The following PCSK9 variants were observed in gnomAD, a reference collection of about 807,000 sequenced individuals.
PCSK9 encodes proprotein convertase subtilisin/kexin type 9, also known as convertase subtilisin/kexin type 9 preproprotein.
PCSK9 carries 57 observed loss-of-function variants against 62.1 expected under a neutral mutation model. The ratio of observed to expected loss-of-function variants is 0.92; its 90% confidence interval spans 0.74 to 1.14. The LOEUF (loss-of-function observed/expected upper bound fraction) is 1.14, where lower values mean the gene tolerates loss of function less well. Ranked by LOEUF, PCSK9 falls within the 50% of genes most tolerant of loss-of-function variation. The pLI is 0.00. For synonymous variants in PCSK9, 387 were observed against 409.4 expected (o/e 0.95, Z 0.66); for missense variants, 870 against 959.8 (o/e 0.91, Z 1.24).
At position 55,058,608 on chromosome 1, in the gene PCSK9, T is replaced by C. The variant is rs142229832; in HGVS notation, c.1464T>C (p.Ser488=). The change falls in exon 9 of 12, where the codon AGT becomes AGC. Residue 488 remains serine (S), a synonymous_variant. Transcript: ENST00000302118. ...APDEELLSCS[S]FSRSGKRRGE... Reference sequence around the variant, plus strand: ...ATGAGGAGCTGCTGAGCTGCTCCAGTTTCTCCAGGAGTGGGAAGCGGCGGG... The same window carrying C: ...ATGAGGAGCTGCTGAGCTGCTCCAGCTTCTCCAGGAGTGGGAAGCGGCGGG... 12 of 1,611,732 alleles carry C rather than the reference T, an allele frequency of 7.4e-6. No homozygotes were observed. The African/African-American group carries it at 1.5e-4, about 20-fold the overall frequency.
intron 1 of PCSK9, among the ~76,000 whole-genome samples, chr1:55,042,640 G>T (rs764465225): frequency 3.9e-4 from 60 of 152,216 alleles, no homozygotes; most frequent in Non-Finnish European, 7.3e-4. Context: ...CCAAGGAGGA[G>T]CATGGAGTTT....
intron 8 of PCSK9, 94 bp downstream of exon 8, chr1:55,058,303 G>A (rs1644731811): frequency 6.6e-7 from 1 of 1,515,286 alleles, no homozygotes; most frequent in African/African-American, 1.4e-5. Flanking sequence ...TCTGTGTAAG[G>A]AGGATGACGC....
rs11591147 is a variant in PCSK9, at chr1:55,039,974, G to T, written c.137G>T (p.Arg46Leu). 23,500 of 1,580,590 alleles carry T rather than the reference G, an allele frequency of 0.015. 226 individuals carry two copies. Among genetic ancestry groups the T allele is most frequent in the Non-Finnish European group, 0.017 (19,432 of 1,164,182 alleles). ...TACGAGGAGCTGGTGCTAGCCTTGC[G>T]TTCCGAGGAGGACGGCCTGGCCGAA... ...GDYEELVLALRSEEDGLAEAP... is the reference protein window; with the variant it reads ...GDYEELVLALLSEEDGLAEAP... Residue 46 changes from arginine (R) to leucine (L), a missense_variant, in exon 1 of 12, where the codon CGT becomes CTT. Transcript: ENST00000302118.
rs201280059 is a variant in PCSK9, at chr1:55,063,459, A to G, written c.1954A>G (p.Asn652Asp). Residue 652 changes from asparagine (N) to aspartate (D), a missense_variant, in exon 12 of 12, where the codon AAC (asparagine) becomes GAC (aspartate). Asn to Asp is a conservative substitution (Grantham distance 23, BLOSUM62 1). Transcript: ENST00000302118. ...CGTCCTGGGGGCCTACGCCGTAGAC[A>G]ACACGTGTGTAGTCAGGAGCCGGGA... ...SHVLGAYAVD[N>D]TCVVRSRDVS... 21 of 1,614,094 alleles carry G rather than the reference A, an allele frequency of 1.3e-5. No individual in the cohort carries two copies. The East Asian group carries it at 4.0e-4, about 31-fold the overall frequency.
In PCSK9 at chr1:55,058,652, C is replaced by T. The variant is rs1299111478; in HGVS notation, c.1503+5C>T. ...CGGCGGGGCGAGCGCATGGAGGTGA[C>T]TGTACCCCTCCTTCGTGTGTGTGTG... On this transcript the variant is annotated splice_donor_5th_base_variant and intron_variant, in intron 9 of 11. Coordinates refer to ENST00000302118, the MANE Select transcript of PCSK9 (RefSeq NM_174936.4). The T allele has an allele frequency of 1.2e-6, 2 of 1,604,080 alleles. No homozygotes were observed. Among genetic ancestry groups the T allele is most frequent in the South Asian group, 1.1e-5 (1 of 90,426 alleles).
rs1644682948 is a variant in PCSK9, at chr1:55,052,525, CA to C, written c.657+115del. On this transcript the variant is annotated intron_variant, in intron 4 of 11. Coordinates refer to ENST00000302118, the MANE Select transcript of PCSK9 (RefSeq NM_174936.4). ...CTGTACTCCTGGGTTGCACCCCCCC[CA>C]GCTGTCACTGTCCCCTCCCTGCCAT... 7 of 1,535,864 alleles carry C rather than the reference CA, an allele frequency of 4.6e-6. No homozygotes were observed. In the South Asian group the frequency reaches 8.1e-5, roughly 18 times the overall value.
rs1302968528 is a variant in PCSK9, at chr1:55,043,999, T to A, written c.364T>A (p.Phe122Ile). The A allele has an allele frequency of 6.2e-7, 1 of 1,614,234 alleles. No individual in the cohort carries two copies. Among genetic ancestry groups the A allele is most frequent in the Non-Finnish European group, 8.5e-7 (1 of 1,180,044 alleles). Residue 122 changes from phenylalanine to isoleucine, a missense_variant, in exon 2 of 12, where the codon TTC becomes ATC. By Grantham distance (21) the Phe-to-Ile change is conservative. Transcript: ENST00000302118. ...TGTCTTCCATGGCCTTCTTCCTGGC[T>A]TCCTGGTGAAGATGAGTGGCGACCT... ...LHVFHGLLPG[F>I]LVKMSGDLLE...
intron 10 of PCSK9, among the ~76,000 whole-genome samples, chr1:55,060,005 G>T (rs937177043): frequency 5.3e-5 from 8 of 152,212 alleles, no homozygotes; most frequent in Admixed American, 3.9e-4. Context: ...GCCCCCGGCT[G>T]GGGCTGAAAG....
At chr1:55,045,296 G>T (rs567130597) in intron 2 of PCSK9, among the ~76,000 whole-genome samples, 4 of 152,192 alleles carry the variant, frequency 2.6e-5, no homozygotes, top group Non-Finnish European at 5.9e-5. Flanking sequence ...ACCAGCCTGG[G>T]TTCGAGTCCT....
intron 2 of PCSK9, 82 bp downstream of exon 2, chr1:55,044,116 C>T: frequency 6.6e-7 from 1 of 1,504,262 alleles, no homozygotes. Context: ...TTAGTAGGCC[C>T]ATTGCTGAAA....
rs891322948 is a variant in PCSK9, at chr1:55,059,529, G to T, written c.1547G>T (p.Gly516Val). The T allele has an allele frequency of 1.9e-6, 3 of 1,564,582 alleles. No homozygotes were observed. The highest frequency in any genetic ancestry group is 1.3e-5 in the African/African-American group (1 of 74,144). Residue 516 changes from glycine to valine, a missense_variant, in exon 10 of 12, where the codon GGG becomes GTG. By Grantham distance (109) the Gly-to-Val change is moderately radical (BLOSUM62 -3). Coordinates refer to ENST00000302118, the MANE Select transcript of PCSK9 (RefSeq NM_174936.4). ...KLVCRAHNAF[G>V]GEGVYAIARC... ...GTCTGCCGGGCCCACAACGCTTTTG[G>T]GGGTGAGGGTGTCTACGCCATTGCC...
rs143394031 is a variant in PCSK9 at position 55,058,640 on chromosome 1, G to T, written c.1496G>T (p.Arg499Leu). The change falls in exon 9 of 12, where the codon CGC becomes CTC. Residue 499 changes from arginine to leucine, a missense_variant. By Grantham distance (102) the Arg-to-Leu change is moderately radical (BLOSUM62 -2). Coordinates refer to ENST00000302118, the MANE Select transcript of PCSK9 (RefSeq NM_174936.4). ...FSRSGKRRGE[R>L]MEAQGGKLVC... ...AGGAGTGGGAAGCGGCGGGGCGAGC[G>T]CATGGAGGTGACTGTACCCCTCCTT... 11 of 1,609,408 alleles carry T rather than the reference G, an allele frequency of 6.8e-6. No homozygotes were observed. The African/African-American group carries it at 1.2e-4, about 18-fold the overall frequency.
intron 4 of PCSK9, 94 bp downstream of exon 4, chr1:55,052,505 C>G: frequency 3.8e-6 from 6 of 1,565,326 alleles, no homozygotes; most frequent in Non-Finnish European, 5.2e-6. Context: ...TGCAGCTGTA[C>G]TCCTGGGTTG....
chr1:55,048,201 A>G (rs1644647766), intron 3 of PCSK9, among the ~76,000 whole-genome samples: 1 of 152,028 alleles, frequency 6.6e-6, no homozygotes, highest in South Asian at 2.1e-4. Flanking sequence ...CAGCACACCA[A>G]TCCCAGCCTC....
chr1:55,058,663 C>T lies in PCSK9; in HGVS notation c.1503+16C>T, dbSNP rs1644735256. On this transcript the variant is annotated intron_variant, in intron 9 of 11. Coordinates refer to ENST00000302118, the MANE Select transcript of PCSK9 (RefSeq NM_174936.4). ...GCGCATGGAGGTGACTGTACCCCTC[C>T]TTCGTGTGTGTGTGTGTGTGTGTGT... The T allele has an allele frequency of 1.3e-6, 2 of 1,584,624 alleles. No homozygotes were observed. Among genetic ancestry groups the T allele is most frequent in the Admixed American group, 1.8e-5 (1 of 56,826 alleles).
At chr1:55,046,388 C>A in intron 2 of PCSK9, 135 bp from the exon 3 acceptor site, 1 of 1,363,932 alleles carries the variant, frequency 7.3e-7, no homozygotes, top group Non-Finnish European at 1.0e-6. Flanking sequence ...CTCCGGGGCA[C>A]TAGCAGGGAC....
intron 2 of PCSK9, among the ~76,000 whole-genome samples, chr1:55,045,384 A>G (rs1235560461): frequency 6.6e-6 from 1 of 152,146 alleles, no homozygotes; most frequent in African/African-American, 2.4e-5. Flanking sequence ...TCTGTAAACC[A>G]GTTATAATAA....
At chr1:55,054,819 C>T (rs910940609) in intron 5 of PCSK9, among the ~76,000 whole-genome samples, 35 of 152,136 alleles carry the variant, frequency 2.3e-4, no homozygotes, top group Non-Finnish European at 5.9e-5. Flanking sequence ...TCCTTGCTAA[C>T]ACGGTGAAGC....
chr1:55,056,770 C>T lies in PCSK9; in HGVS notation c.997-561C>T, dbSNP rs186657530. The stretch of plus-strand genomic sequence containing the variant: ...CTGGGGGGCAGTGACCGTCCCTCCT[C>T]TGACCCACCACTCCTCCAGTGTCAG... On this transcript the variant is annotated intron_variant, in intron 6 of 11. Coordinates refer to ENST00000302118, the MANE Select transcript of PCSK9 (RefSeq NM_174936.4). Among the ~76,000 whole-genome samples the T allele has an allele frequency of 6.2e-3, 951 of 152,332 alleles. 3 individuals are homozygous for T. The highest frequency in any genetic ancestry group is 0.01 in the Non-Finnish European group (709 of 68,020).
Sources: gnomAD v4.1 joint callset for allele counts (sites outside exome capture counted in the v4.1 genomes callset) on GRCh38, gnomAD v4.1.1 for gene constraint, MANE v1.5 for transcripts, NCBI Gene and HGNC (gene_info 2026-07-23, HGNC 2026-07-21) for gene names.